DOCK1: variants seen among roughly 807,000 people sequenced by gnomAD.
DOCK1 encodes the protein dedicator of cytokinesis 1, also known as dedicator of cytokinesis protein 1.
In DOCK1, 138 loss-of-function variants were observed where a neutral mutation model predicts 262.7. The ratio of observed to expected loss-of-function variants is 0.53; its 90% CI spans 0.46 to 0.61. The LOEUF (loss-of-function observed/expected upper bound fraction) is 0.61, where lower values mean the gene tolerates loss of function less well. DOCK1 is among the 20% of genes least tolerant of loss of function. The pLI is 0.00. For synonymous variants in DOCK1, 866 were observed against 867.4 expected (o/e 1.00, Z 0.03); for missense variants, 1,908 against 2,370.7 (o/e 0.80, Z 4.05).
intron 27 of DOCK1, among the ~76,000 whole-genome samples, chr10:127,195,712 C>T (rs1337813999): frequency 6.6e-6 from 1 of 152,236 alleles, no homozygotes; most frequent in East Asian, 1.9e-4. Flanking sequence ...AGGCGCAGCC[C>T]CGCTCCTCCC....
At position 126,929,386 on chromosome 10, in the gene DOCK1, G is replaced by A. The variant is rs1279237186; in HGVS notation, c.46+23823G>A. ...GAGATATTATCATTTATTGGACTTTGCTCCCTAATCTAGTAGAGAAGTGGA... is the reference window on the plus strand; with the variant it reads ...GAGATATTATCATTTATTGGACTTTACTCCCTAATCTAGTAGAGAAGTGGA... On this transcript the variant is annotated intron_variant, in intron 1 of 51. Coordinates refer to ENST00000623213, the MANE Select transcript of DOCK1 (RefSeq NM_001290223.2). Among the ~76,000 whole-genome samples the A allele has an allele frequency of 2.6e-5, 4 of 152,258 alleles. No homozygotes were observed. The East Asian group carries it at 7.7e-4, about 29-fold the overall frequency.
At chr10:127,287,402 C>A (rs2061196920) in intron 29 of DOCK1, among the ~76,000 whole-genome samples, 1 of 151,956 alleles carries the variant, frequency 6.6e-6, no homozygotes, top group Non-Finnish European at 1.5e-5. Context: ...GTTGGCCAGG[C>A]TGCTCTTGAA....
intron 29 of DOCK1, among the ~76,000 whole-genome samples, chr10:127,274,961 G>A (rs1030647487): frequency 2.0e-5 from 3 of 152,160 alleles, no homozygotes; most frequent in Admixed American, 1.3e-4. Context: ...TAGTGGAGAT[G>A]TTTCCCCCAG....
chr10:127,381,507 A>T (rs2065822614), intron 37 of DOCK1, 139 bp downstream of exon 37: 3 of 638,880 alleles, frequency 4.7e-6, no homozygotes, highest in Non-Finnish European at 7.4e-6. Context: ...ATGCAAGGAT[A>T]TGAACAAAAA....
At chr10:127,185,579 G>A (rs948638031) in intron 27 of DOCK1, among the ~76,000 whole-genome samples, 5 of 152,186 alleles carry the variant, frequency 3.3e-5, no homozygotes, top group East Asian at 1.9e-4. Flanking sequence ...CTTAGGATGA[G>A]TGTACAATAT....
intron 30 of DOCK1, 30 bp from the exon 31 acceptor site, chr10:127,343,616 A>T: frequency 6.4e-7 from 1 of 1,558,708 alleles, no homozygotes. Flanking sequence ...CTGTTCAACA[A>T]CTTAGCATCT....
intron 27 of DOCK1, among the ~76,000 whole-genome samples, chr10:127,210,291 A>G (rs928425712): frequency 3.9e-5 from 6 of 152,160 alleles, no homozygotes; most frequent in Non-Finnish European, 7.3e-5. Flanking sequence ...TGCTCATCCC[A>G]GGAAGAATGG....
chr10:127,358,940 A>G (rs2064277140), intron 32 of DOCK1, among the ~76,000 whole-genome samples: 1 of 152,112 alleles, frequency 6.6e-6, no homozygotes, highest in African/African-American at 2.4e-5. Context: ...CTGTAACTAA[A>G]ATAGACTCTA....
In DOCK1 at chr10:127,410,774, C is replaced by T. The variant is rs779046737; in HGVS notation, c.4344-66C>T. The T allele has an allele frequency of 5.7e-5, 84 of 1,478,460 alleles. 1 individual carries two copies. Among genetic ancestry groups the T allele is most frequent in the East Asian group, 7.0e-5 (3 of 42,630 alleles). The allele number at this position is 1,478,460 out of a possible 1,614,324, so 91.6% of individuals were successfully genotyped here. On this transcript the variant is annotated intron_variant, in intron 42 of 51. Coordinates refer to ENST00000623213, the MANE Select transcript of DOCK1 (RefSeq NM_001290223.2). ...AGTGACATGTTCTAAGGCCAGACCC[C>T]GTGTCCAAAAGCAAATTGGCTATTT...
rs1205889191 is a variant in DOCK1, at chr10:127,006,398, G to T, written c.986-2334G>T. On this transcript the variant is annotated intron_variant, in intron 10 of 51. Transcript: ENST00000623213. ...GTCTACCCGGCCTCTCCCTCACACA[G>T]CTGTACTGACTTCAGCTGGACTCTG... Among the ~76,000 whole-genome samples, 3 of 152,172 alleles carry T rather than the reference G, an allele frequency of 2.0e-5. No homozygotes were observed. The East Asian group carries it at 5.8e-4, about 29-fold the overall frequency.
intron 27 of DOCK1, among the ~76,000 whole-genome samples, chr10:127,195,210 T>C (rs988463545): frequency 6.6e-6 from 1 of 152,180 alleles, no homozygotes; most frequent in Non-Finnish European, 1.5e-5. Context: ...ATGCAGACTC[T>C]CGCTCTTGAC....
Position 127,194,862 on chromosome 10 carries a change from C to T in DOCK1, c.2848-53146C>T, listed in dbSNP as rs12778868. ...TTGCAGTTTCACCTCGGGATGCTTCCGCAGAATTTCAGCGCCTAAGCAGAC... is the reference window on the plus strand; with the variant it reads ...TTGCAGTTTCACCTCGGGATGCTTCTGCAGAATTTCAGCGCCTAAGCAGAC... On this transcript the variant is annotated intron_variant, in intron 27 of 51. Coordinates refer to ENST00000623213, the MANE Select transcript of DOCK1 (RefSeq NM_001290223.2). Among the ~76,000 whole-genome samples, 294 of 152,102 alleles carry T rather than the reference C, an allele frequency of 1.9e-3. 1 individual carries two copies. Among genetic ancestry groups the T allele is most frequent in the Non-Finnish European group, 3.1e-3 (212 of 68,014 alleles).
chr10:127,421,331 G>A (rs1425975773), intron 46 of DOCK1, among the ~76,000 whole-genome samples: 1 of 152,140 alleles, frequency 6.6e-6, no homozygotes, highest in Non-Finnish European at 1.5e-5. Context: ...CTTTGGTTGT[G>A]AGCCAAGGTA....
chr10:127,246,003 G>A (rs2059419949), intron 27 of DOCK1, among the ~76,000 whole-genome samples: 1 of 152,168 alleles, frequency 6.6e-6, no homozygotes, highest in Admixed American at 6.5e-5. Flanking sequence ...AAGGGGAAGA[G>A]TCCGGGTCAG....
At chr10:127,255,313 A>G (rs913914036) in intron 28 of DOCK1, among the ~76,000 whole-genome samples, 4 of 152,182 alleles carry the variant, frequency 2.6e-5, no homozygotes, top group Admixed American at 6.5e-5. Context: ...AAACGGGAGG[A>G]TCACTTGGGT....
At chr10:127,068,486 C>A (rs1349007794) in intron 23 of DOCK1, among the ~76,000 whole-genome samples, 1 of 131,864 alleles carries the variant, frequency 7.6e-6, no homozygotes, top group Non-Finnish European at 1.6e-5. Context: ...TATATGTGTT[C>A]CAGATTTTCA....
chr10:127,252,628 A>G (rs1590132462), intron 28 of DOCK1, among the ~76,000 whole-genome samples: 1 of 150,758 alleles, frequency 6.6e-6, no homozygotes, highest in African/African-American at 2.4e-5. Flanking sequence ...TCCCAGCACC[A>G]TTTATTAAAT....
intron 29 of DOCK1, among the ~76,000 whole-genome samples, chr10:127,313,310 CTT>C (rs2062135778): frequency 6.6e-6 from 1 of 152,186 alleles, no homozygotes; most frequent in East Asian, 1.9e-4. Context: ...TCCTAAGCAT[CTT>C]TACATCCCAG....
chr10:127,020,091 A>G (rs1182491570), intron 13 of DOCK1, among the ~76,000 whole-genome samples: 1 of 152,232 alleles, frequency 6.6e-6, no homozygotes, highest in African/African-American at 2.4e-5. Flanking sequence ...TAAATTGGTT[A>G]GGCTAAATAA....
Sources: allele counts gnomAD v4.1 joint callset (sites outside exome capture counted in the v4.1 genomes callset), GRCh38; gene constraint gnomAD v4.1.1; transcripts MANE v1.5; gene names NCBI Gene and HGNC (gene_info 2026-07-23, HGNC 2026-07-21).